LSAMP: variants seen among roughly 807,000 people sequenced by gnomAD.
The protein encoded by LSAMP is limbic system associated membrane protein.
In LSAMP, 7 loss-of-function variants were observed where a neutral mutation model predicts 38.6. The ratio of observed to expected loss-of-function variants is 0.18; its 90% CI spans 0.10 to 0.34. The LOEUF is 0.34. Among genes scored for constraint, LSAMP ranks in the 10% least tolerant of loss-of-function variants. The pLI, the probability that LSAMP is intolerant of heterozygous loss-of-function variation, is 1.00. For synonymous variants in LSAMP, 154 were observed against 166.8 expected, an observed-to-expected ratio of 0.92 and a Z score of 0.59; for missense variants, 313 against 420.0, an observed-to-expected ratio of 0.75 and a Z score of 2.23.
chr3:116,150,813 A>T (rs1383691841), intron 1 of LSAMP, among the ~76,000 whole-genome samples: 7 of 152,052 alleles, frequency 4.6e-5, no homozygotes, highest in Admixed American at 3.9e-4. Flanking sequence ...ATGAGGATGT[A>T]ATGGCATAAT....
chr3:116,047,374 TA>T (rs71616339), intron 2 of LSAMP, among the ~76,000 whole-genome samples: 18,185 of 132,256 alleles, frequency 0.14, 2,558 homozygotes, highest in African/African-American at 0.36. Context: ...GAATCTAGTC[TA>T]AAAAAAAAAA....
chr3:115,852,437 G>A, intron 4 of LSAMP, 46 bp downstream of exon 4: 1 of 1,565,108 alleles, frequency 6.4e-7, no homozygotes, highest in Non-Finnish European at 8.6e-7. Context: ...TGGAGGTAGA[G>A]GTGCACCCTG....
chr3:116,414,216 G>T (rs2049018844), intron 1 of LSAMP, among the ~76,000 whole-genome samples: 1 of 151,872 alleles, frequency 6.6e-6, no homozygotes, highest in Non-Finnish European at 1.5e-5. Context: ...CTGCAAAAAT[G>T]GCAGAAGTCT....
intron 1 of LSAMP, among the ~76,000 whole-genome samples, chr3:116,359,456 G>A (rs2048272601): frequency 6.6e-6 from 1 of 152,194 alleles, no homozygotes; most frequent in Non-Finnish European, 1.5e-5. Flanking sequence ...GATGTCAGAA[G>A]CGTAGCTGGT....
intron 2 of LSAMP, among the ~76,000 whole-genome samples, chr3:116,044,328 T>C (rs1021760439): frequency 5.3e-5 from 8 of 152,232 alleles, no homozygotes; most frequent in Non-Finnish European, 7.3e-5. Flanking sequence ...ACCCTACCTT[T>C]CTTTTTTGTT....
chr3:115,848,438 A>C (rs1274576617), intron 4 of LSAMP, among the ~76,000 whole-genome samples: 1 of 152,186 alleles, frequency 6.6e-6, no homozygotes. Context: ...ACAAACAAAC[A>C]AAAAAGTTAT....
chr3:116,197,163 A>ACACACACACACT (rs1268040540), intron 1 of LSAMP, among the ~76,000 whole-genome samples: 227 of 139,186 alleles, frequency 1.6e-3, no homozygotes, highest in East Asian at 0.011. Flanking sequence ...ACACACACAC[A>ACACACACACACT]CTCTCTCTCT....
chr3:116,325,143 T>C (rs2047753360), intron 1 of LSAMP, among the ~76,000 whole-genome samples: 1 of 151,116 alleles, frequency 6.6e-6, no homozygotes, highest in Non-Finnish European at 1.5e-5. Flanking sequence ...TTCACATATA[T>C]ACTAGAGATG....
chr3:116,220,525 G>A (rs77318840), intron 1 of LSAMP, among the ~76,000 whole-genome samples: 1,871 of 152,230 alleles, frequency 0.012, 38 homozygotes, highest in African/African-American at 0.041. Context: ...TTGGAAAAGT[G>A]ACTATTGGGA....
chr3:116,269,166 CATG>C (rs2046936491), intron 1 of LSAMP, among the ~76,000 whole-genome samples: 1 of 152,004 alleles, frequency 6.6e-6, no homozygotes, highest in East Asian at 1.9e-4. Context: ...TTCAAGGGAA[CATG>C]ATGAAGAGAT....
intron 1 of LSAMP, among the ~76,000 whole-genome samples, chr3:116,262,027 A>G (rs1398487127): frequency 6.6e-6 from 1 of 151,994 alleles, no homozygotes; most frequent in Non-Finnish European, 1.5e-5. Context: ...AATTTATGTA[A>G]TAATTAATAA....
chr3:116,178,096 CGTGT>C (rs10662261), intron 1 of LSAMP, among the ~76,000 whole-genome samples: 15,464 of 150,072 alleles, frequency 0.1, 1,172 homozygotes, highest in African/African-American at 0.22. Flanking sequence ...GTCTTGTGTA[CGTGT>C]GTGTGTGTGT....
intron 6 of LSAMP, among the ~76,000 whole-genome samples, chr3:115,818,636 G>GT (rs1934108387): frequency 1.3e-5 from 2 of 150,458 alleles, no homozygotes; most frequent in South Asian, 4.2e-4. Flanking sequence ...CAGTTTTGTG[G>GT]TAAAATCCCT....
chr3:116,299,520 C>T (rs764318373), intron 1 of LSAMP, among the ~76,000 whole-genome samples: 4 of 152,184 alleles, frequency 2.6e-5, no homozygotes, highest in Non-Finnish European at 4.4e-5. Flanking sequence ...AATGTACTTA[C>T]ACTGAGAATA....
intron 1 of LSAMP, among the ~76,000 whole-genome samples, chr3:116,272,689 C>A (rs140273618): frequency 2.0e-5 from 3 of 151,980 alleles, no homozygotes; most frequent in Non-Finnish European, 4.4e-5. Flanking sequence ...CTGGATAGTC[C>A]GTTATTTTCT....
intron 1 of LSAMP, among the ~76,000 whole-genome samples, chr3:116,325,055 T>A (rs1438221896): frequency 6.6e-6 from 1 of 151,354 alleles, no homozygotes; most frequent in Admixed American, 6.6e-5. Flanking sequence ...AAGATCTGAA[T>A]CCAGATGACT....
chr3:116,083,934 C>T (rs1167412370), intron 2 of LSAMP, among the ~76,000 whole-genome samples: 1 of 152,148 alleles, frequency 6.6e-6, no homozygotes, highest in African/African-American at 2.4e-5. Context: ...TCCAAAAATT[C>T]CCCTTGGCGA....
intron 4 of LSAMP, among the ~76,000 whole-genome samples, chr3:115,848,788 A>C (rs562079145): frequency 3.0e-4 from 45 of 152,194 alleles, no homozygotes; most frequent in Non-Finnish European, 5.7e-4. Flanking sequence ...CCTGTGGGAA[A>C]GTGGAAGGTG....
Position 115,802,935 on chromosome 3 carries a change from A to G in LSAMP, c.*7382T>C, listed in dbSNP as rs1408788834. The G allele has an allele frequency of 6.6e-6, 1 of 152,114 alleles. No homozygotes were observed. Among genetic ancestry groups the G allele is most frequent in the African/African-American group, 2.4e-5 (1 of 41,406 alleles). The allele number at this position is 152,114 out of a possible 1,614,324, so 9.4% of individuals were successfully genotyped here. Reference sequence around the variant, plus strand: ...AATACTTAGGGAGCAGAACTTGGCCACAGTTCACCAGGATGAACAATTTCC... The same window carrying G: ...AATACTTAGGGAGCAGAACTTGGCCGCAGTTCACCAGGATGAACAATTTCC... On this transcript the variant is annotated 3_prime_UTR_variant, in exon 7 of 7. Transcript: ENST00000490035.
Sources: allele counts gnomAD v4.1 joint callset (sites outside exome capture counted in the v4.1 genomes callset), GRCh38; gene constraint gnomAD v4.1.1; transcripts MANE v1.5; gene names NCBI Gene and HGNC (gene_info 2026-07-23, HGNC 2026-07-21).